The following RBM25 variants were observed in gnomAD, a reference collection of about 807,000 sequenced individuals.
RBM25 encodes the protein RNA binding motif protein 25, also known as RNA-binding protein 25.
A neutral mutation model predicts 120.7 loss-of-function variants in RBM25; 19 were observed. The ratio of observed to expected loss-of-function variants is 0.16; its 90% CI spans 0.11 to 0.23. The LOEUF (loss-of-function observed/expected upper bound fraction) is 0.23. Ranked by LOEUF, RBM25 falls within the 10% of genes least tolerant of loss-of-function variation. RBM25 has a pLI of 1.00. For missense variants in RBM25, 605 were observed against 1,041.5 expected (o/e 0.58, Z 5.77); for synonymous variants, 390 against 326.7 (o/e 1.19, Z -2.09).
At chr14:73,063,848 A>C (rs570495846) in intron 1 of RBM25, among the ~76,000 whole-genome samples, 1 of 151,380 alleles carries the variant, frequency 6.6e-6, no homozygotes. Flanking sequence ...TAAAACTAAA[A>C]TGTTTATTTA....
At chr14:73,117,178 AAATTTCTTTCTTTT>A (rs1443576056) in intron 18 of RBM25, among the ~76,000 whole-genome samples, 15 of 140,168 alleles carry the variant, frequency 1.1e-4, no homozygotes, top group African/African-American at 3.3e-4. Context: ...AAAGTGACAG[AAATTTCTTTCTTTT>A]AATTTCTTTC....
intron 4 of RBM25, among the ~76,000 whole-genome samples, chr14:73,080,534 C>CT (rs911648686): frequency 1.3e-5 from 2 of 151,870 alleles, no homozygotes; most frequent in South Asian, 4.2e-4. Flanking sequence ...TCTTACACAT[C>CT]TTTTTTAACA....
chr14:73,078,639 T>C (rs1594905107), intron 4 of RBM25, among the ~76,000 whole-genome samples: 1 of 152,216 alleles, frequency 6.6e-6, no homozygotes, highest in Admixed American at 6.5e-5. Context: ...ACAGATTTGC[T>C]CTGTCACACA....
At chr14:73,084,363 A>G (rs1488194670) in intron 5 of RBM25, among the ~76,000 whole-genome samples, 3 of 152,060 alleles carry the variant, frequency 2.0e-5, no homozygotes, top group African/African-American at 7.2e-5. Context: ...AAGTTATTCT[A>G]TTTCTAATTT....
intron 6 of RBM25, among the ~76,000 whole-genome samples, chr14:73,092,025 G>A (rs1481345896): frequency 2.0e-5 from 3 of 152,022 alleles, no homozygotes; most frequent in African/African-American, 7.2e-5. Context: ...TTCTTGCCCG[G>A]TGGTACTTGA....
rs1172616156 is a variant in RBM25 at position 73,120,622 on chromosome 14, G to A, written c.*817G>A. On this transcript the variant is annotated 3_prime_UTR_variant, in exon 19 of 19. Transcript: ENST00000261973. ...TTTTTCCTTTTAATTTTATTGCTCA[G>A]AAATGAGGCATATCCTAAAAATCCT... 1 of 152,084 alleles carries A rather than the reference G, an allele frequency of 6.6e-6. No individual in the cohort carries two copies. The highest frequency in any genetic ancestry group is 1.5e-5 in the Non-Finnish European group (1 of 68,008). 9.4% of individuals were successfully genotyped at this position (152,084 alleles called of 1,614,324 possible).
chr14:73,076,324 C>G lies in RBM25; in HGVS notation c.112C>G (p.Pro38Ala). 1 of 1,611,910 alleles carries G rather than the reference C, an allele frequency of 6.2e-7. No homozygotes were observed. The highest frequency in any genetic ancestry group is 1.1e-5 in the South Asian group (1 of 90,988). The change falls in exon 3 of 19, where the codon CCA becomes GCA. Residue 38 changes from proline (P) to alanine (A), a missense_variant. By Grantham distance (27) the Pro-to-Ala change is conservative. Around this residue, in one of 4 missense-constraint regions of RBM25, gnomAD observed 90 missense variants for 107.3 expected, o/e 0.84. Transcript: ENST00000261973. ...TGTGGTTTTTCTTTTCTTAGGGACC[C>G]CAATGATTCCTGTACCAATGAGCAT... ...GFPPPVPPGT[P>A]MIPVPMSIMA... is the part of the protein sequence containing the mutation.
chr14:73,120,904 A>G lies in RBM25; in HGVS notation c.*1099A>G, dbSNP rs1896528859. 6.6e-6 allele frequency: 1 copy of G among 152,208 alleles called. No homozygotes were observed. The allele number at this position is 152,208 out of a possible 1,614,324, so 9.4% of individuals were successfully genotyped here. The stretch of plus-strand genomic sequence containing the variant: ...AGGTAAATCATTCAAGGCAGTTACC[A>G]ACCACTAACTATTTGTTTTCATTTT... On this transcript the variant is annotated 3_prime_UTR_variant, in exon 19 of 19. Coordinates refer to ENST00000261973, the MANE Select transcript of RBM25 (RefSeq NM_021239.3).
Position 73,111,699 on chromosome 14 carries a change from A to C in RBM25, c.2189A>C (p.Asn730Thr). 1.2e-6 allele frequency: 2 copies of C among 1,614,172 alleles called. No homozygotes were observed. Among genetic ancestry groups the C allele is most frequent in the Admixed American group, 1.7e-5 (1 of 60,018 alleles). ...AAAAATGCAACCAAAGGCACTGTAA[A>C]CACTGAAGAAAAGCGTAAACACATT... ...DDKNATKGTV[N>T]TEEKRKHIKS... The change falls in exon 16 of 19, where the codon AAC (asparagine) becomes ACC (threonine). Residue 730 changes from asparagine (N) to threonine (T), a missense_variant. Coordinates refer to ENST00000261973, the MANE Select transcript of RBM25 (RefSeq NM_021239.3).
At chr14:73,097,209 T>TTTC in intron 7 of RBM25, 109 bp downstream of exon 7, 1 of 785,610 alleles carries the variant, frequency 1.3e-6, no homozygotes, top group East Asian at 3.5e-5. Flanking sequence ...TTTTTTTTTT[T>TTTC]TTTTTTTTTG....
rs1027607049 is a variant in RBM25 at position 73,123,761 on chromosome 14, C to T, written c.*3956C>T. Reference sequence around the variant, plus strand: ...TTTGAATGCTTACATTTTTAATTGACAGAATCTTTGCATTTCATTACTTGA... The same window carrying T: ...TTTGAATGCTTACATTTTTAATTGATAGAATCTTTGCATTTCATTACTTGA... On this transcript the variant is annotated 3_prime_UTR_variant, in exon 19 of 19. Coordinates refer to ENST00000261973, the MANE Select transcript of RBM25 (RefSeq NM_021239.3). 9.9e-5 allele frequency: 15 copies of T among 152,086 alleles called. No homozygotes were observed. Among genetic ancestry groups the T allele is most frequent in the African/African-American group, 3.4e-4 (14 of 41,412 alleles). 9.4% of individuals were successfully genotyped at this position (152,086 alleles called of 1,614,324 possible).
At chr14:73,114,146 G>T in intron 17 of RBM25, 140 bp from the exon 18 acceptor site, 1 of 587,366 alleles carries the variant, frequency 1.7e-6, no homozygotes. Flanking sequence ...ATGATATTCT[G>T]AAAATTAAAA....
intron 10 of RBM25, among the ~76,000 whole-genome samples, chr14:73,103,992 A>ACTCTCTCTCT (rs1202202198): frequency 8.8e-6 from 1 of 113,538 alleles, no homozygotes; most frequent in African/African-American, 3.6e-5. Context: ...ACACACACAC[A>ACTCTCTCTCT]CACTCTCTCT....
At position 73,077,398 on chromosome 14, in the gene RBM25, A is replaced by G. The variant is rs1223369611; in HGVS notation, c.186A>G (p.Gly62=). The G allele has an allele frequency of 6.2e-7, 1 of 1,613,748 alleles. No homozygotes were observed. Among genetic ancestry groups the G allele is most frequent in the Non-Finnish European group, 8.5e-7 (1 of 1,179,764 alleles). ...TVLVPTVSMV[G]KHLGARKDHP... The stretch of plus-strand genomic sequence containing the variant: ...TAGTACCCACTGTGTCTATGGTTGG[A>G]AAGCATTTGGGCGCAAGAAAGGATC... Residue 62 remains glycine, a synonymous_variant, in exon 4 of 19, where the codon GGA becomes GGG. Transcript: ENST00000261973.
chr14:73,098,746 C>T (rs544668165), intron 7 of RBM25, among the ~76,000 whole-genome samples: 4 of 152,006 alleles, frequency 2.6e-5, no homozygotes, highest in South Asian at 2.1e-4. Flanking sequence ...CGGGTTCAAG[C>T]GATTCTCCTG....
intron 1 of RBM25, among the ~76,000 whole-genome samples, chr14:73,066,947 ATCTAT>A (rs1555343015): frequency 1.3e-5 from 2 of 152,080 alleles, no homozygotes; most frequent in Non-Finnish European, 2.9e-5. Flanking sequence ...TTTGACACTG[ATCTAT>A]TCTACCAATG....
intron 10 of RBM25, among the ~76,000 whole-genome samples, chr14:73,104,069 C>T (rs955096243): frequency 6.6e-6 from 1 of 151,324 alleles, no homozygotes; most frequent in Non-Finnish European, 1.5e-5. Flanking sequence ...TGTCTGAAGC[C>T]ACTTTTTATA....
intron 18 of RBM25, among the ~76,000 whole-genome samples, chr14:73,116,077 T>C (rs1896421186): frequency 6.6e-6 from 1 of 152,092 alleles, no homozygotes; most frequent in Non-Finnish European, 1.5e-5. Context: ...GAGTTGTTTT[T>C]TTTTTTACCA....
chr14:73,116,173 C>G (rs192790876), intron 18 of RBM25, among the ~76,000 whole-genome samples: 3 of 151,864 alleles, frequency 2.0e-5, no homozygotes, highest in Non-Finnish European at 4.4e-5. Context: ...TGCCGGGGCT[C>G]TAGGAGATAG....
Sources: allele counts gnomAD v4.1 joint callset (sites outside exome capture counted in the v4.1 genomes callset), GRCh38; gene constraint gnomAD v4.1.1; regional missense constraint gnomAD v4.1.1; transcripts MANE v1.5; gene names NCBI Gene and HGNC (gene_info 2026-07-23, HGNC 2026-07-21).